HS3ST5: variants seen among roughly 807,000 people sequenced by gnomAD.
HS3ST5 encodes the protein heparan sulfate glucosamine 3-O-sulfotransferase 5.
A neutral mutation model predicts 25.4 loss-of-function variants in HS3ST5; 10 were observed. The observed-to-expected ratio is 0.39, with a 90% confidence interval of 0.24 to 0.67. The LOEUF (loss-of-function observed/expected upper bound fraction) is 0.67, where lower values mean the gene tolerates loss of function less well. HS3ST5 is among the 30% of genes least tolerant of loss of function. The pLI is 0.44. For missense variants in HS3ST5, 324 were observed against 420.7 expected (o/e 0.77, Z 2.01); for synonymous variants, 170 against 162.4 (o/e 1.05, Z -0.36).
intron 1 of HS3ST5, among the ~76,000 whole-genome samples, chr6:114,293,642 A>G (rs1044644964): frequency 6.6e-6 from 1 of 152,238 alleles, no homozygotes; most frequent in African/African-American, 2.4e-5. Flanking sequence ...TTTGTGAATT[A>G]TCTAAATATG....
chr6:114,160,949 A>T (rs1169062257), intron 3 of HS3ST5, among the ~76,000 whole-genome samples: 3 of 152,278 alleles, frequency 2.0e-5, no homozygotes, highest in South Asian at 4.1e-4. Flanking sequence ...CCTTTCAAAA[A>T]CTAGCAGCTT....
At position 114,342,940 on chromosome 6, in the gene HS3ST5, C is replaced by G. The variant is rs1776952494; in HGVS notation, c.-1084G>C. ...CCGGAGACGTGCCCAGCTGTGTGCG[C>G]GTGTGTGTGTCTAAGCGAATCTCTT... is the stretch of plus-strand genomic sequence containing the variant. On this transcript the variant is annotated 5_prime_UTR_variant, in exon 1 of 5. Coordinates refer to ENST00000312719, the MANE Select transcript of HS3ST5 (RefSeq NM_153612.4). 1 of 152,346 alleles carries G rather than the reference C, an allele frequency of 6.6e-6. No individual in the cohort carries two copies. The highest frequency in any genetic ancestry group is 1.5e-5 in the Non-Finnish European group (1 of 68,196). 9.4% of individuals were successfully genotyped at this position (152,346 alleles called of 1,614,324 possible).
intron 3 of HS3ST5, among the ~76,000 whole-genome samples, chr6:114,068,742 TTTA>T (rs910497090): frequency 1.3e-5 from 2 of 152,154 alleles, no homozygotes; most frequent in African/African-American, 4.8e-5. Context: ...TTTTAGAAAG[TTTA>T]TTATTTCTTT....
At chr6:114,182,320 T>C (rs1486954258) in intron 2 of HS3ST5, among the ~76,000 whole-genome samples, 1 of 152,212 alleles carries the variant, frequency 6.6e-6, no homozygotes, top group Non-Finnish European at 1.5e-5. Flanking sequence ...TCTTTCATCA[T>C]TGAAAAAAGA....
intron 3 of HS3ST5, among the ~76,000 whole-genome samples, chr6:114,078,646 C>T (rs563761245): frequency 2.0e-5 from 3 of 152,136 alleles, no homozygotes; most frequent in Admixed American, 6.5e-5. Flanking sequence ...AAGCCAAGAC[C>T]TCATTAAAGT....
chr6:114,164,414 G>A (rs1037145192), intron 3 of HS3ST5, among the ~76,000 whole-genome samples: 7 of 152,136 alleles, frequency 4.6e-5, no homozygotes, highest in Admixed American at 4.6e-4. Context: ...TATGAACAAA[G>A]TCCAATGTGT....
intron 1 of HS3ST5, among the ~76,000 whole-genome samples, chr6:114,336,636 T>A (rs1776624603): frequency 6.6e-6 from 1 of 151,994 alleles, no homozygotes. Context: ...AATTAATTAA[T>A]TAAATTACTA....
intron 2 of HS3ST5, among the ~76,000 whole-genome samples, chr6:114,212,738 G>T (rs1019989483): frequency 2.6e-5 from 4 of 152,182 alleles, no homozygotes; most frequent in Admixed American, 2.6e-4. Flanking sequence ...GTTTCAGTAG[G>T]TTAGTAAGAG....
intron 3 of HS3ST5, among the ~76,000 whole-genome samples, chr6:114,145,637 C>T (rs947438111): frequency 6.6e-6 from 1 of 152,112 alleles, no homozygotes; most frequent in Non-Finnish European, 1.5e-5. Context: ...TGGCCAGGTA[C>T]GTGGAGCAGG....
intron 2 of HS3ST5, among the ~76,000 whole-genome samples, chr6:114,216,193 A>G (rs1329695671): frequency 6.6e-6 from 1 of 152,212 alleles, no homozygotes; most frequent in East Asian, 1.9e-4. Flanking sequence ...TTAATAAATA[A>G]TGTTCTGCTA....
chr6:114,225,627 T>A (rs527957268), intron 2 of HS3ST5, among the ~76,000 whole-genome samples: 11 of 152,030 alleles, frequency 7.2e-5, no homozygotes, highest in African/African-American at 2.6e-4. Context: ...ACTGTTGCAC[T>A]GCACTTTAAA....
At position 114,320,147 on chromosome 6, in the gene HS3ST5, C is replaced by T. The variant is rs147143617; in HGVS notation, c.-339+22048G>A. ...AGGTGACTGCACTGTTATTGGGACT[C>T]TACATACATTATCTTTAATTCTTAC... On this transcript the variant is annotated intron_variant, in intron 1 of 4. Transcript: ENST00000312719. 8.2e-4 allele frequency among the ~76,000 whole-genome samples: 125 copies of T among 152,154 alleles called. 1 individual carries two copies. The highest frequency in any genetic ancestry group is 6.2e-3 in the East Asian group (32 of 5,178).
intron 1 of HS3ST5, among the ~76,000 whole-genome samples, chr6:114,265,302 C>G (rs182274016): frequency 6.6e-6 from 1 of 152,266 alleles, no homozygotes; most frequent in African/African-American, 2.4e-5. Flanking sequence ...AGGTCTAAAA[C>G]ACGTGTGTGG....
intron 2 of HS3ST5, chr6:114,178,542 A>G (rs565384975): frequency 6.6e-6 from 1 of 152,352 alleles, no homozygotes; most frequent in South Asian, 2.1e-4. Context: ...ACAGGCTTCC[A>G]TGAAAGTTAA....
At chr6:114,080,173 A>G (rs1774372923) in intron 3 of HS3ST5, among the ~76,000 whole-genome samples, 2 of 152,196 alleles carry the variant, frequency 1.3e-5, no homozygotes, top group Non-Finnish European at 2.9e-5. Flanking sequence ...CATGAAAGCA[A>G]CATTAATCTC....
intron 3 of HS3ST5, among the ~76,000 whole-genome samples, chr6:114,137,688 G>A (rs1272132972): frequency 2.0e-5 from 3 of 152,150 alleles, no homozygotes; most frequent in Non-Finnish European, 4.4e-5. Context: ...TGCTAACAAG[G>A]CAGGGATTCA....
intron 2 of HS3ST5, among the ~76,000 whole-genome samples, chr6:114,169,005 T>C (rs950093982): frequency 2.6e-5 from 4 of 152,070 alleles, no homozygotes; most frequent in African/African-American, 9.7e-5. Flanking sequence ...AGAGTACATG[T>C]TTGGCTCTAA....
intron 1 of HS3ST5, among the ~76,000 whole-genome samples, chr6:114,272,576 T>C (rs757819876): frequency 6.6e-6 from 1 of 152,156 alleles, no homozygotes; most frequent in Non-Finnish European, 1.5e-5. Flanking sequence ...CTTCCAGTGC[T>C]GCTGTTCCAT....
At chr6:114,204,198 T>C (rs184398513) in intron 2 of HS3ST5, among the ~76,000 whole-genome samples, 102 of 152,282 alleles carry the variant, frequency 6.7e-4, no homozygotes, top group Non-Finnish European at 1.3e-3. Flanking sequence ...AAATAACAAT[T>C]GTTCCTTTTC....
Sources: allele counts gnomAD v4.1 joint callset (sites outside exome capture counted in the v4.1 genomes callset), GRCh38; gene constraint gnomAD v4.1.1; transcripts MANE v1.5; gene names NCBI Gene and HGNC (gene_info 2026-07-23, HGNC 2026-07-21).